The following FRY variants were observed in gnomAD, a reference collection of about 807,000 sequenced individuals.
FRY encodes FRY microtubule binding protein.
A neutral mutation model predicts 348.4 loss-of-function variants in FRY; 128 were observed. The ratio of observed to expected loss-of-function variants is 0.37; its 90% confidence interval spans 0.32 to 0.43. FRY has a LOEUF of 0.43. FRY is among the 20% of genes least tolerant of loss of function. The probability of loss-of-function intolerance (pLI) is 1.00; values close to 1 mark genes in which losing one functional copy is unlikely to be tolerated. For missense variants in FRY, 2,736 were observed against 3,695.2 expected, an observed-to-expected ratio of 0.74 and a Z score of 6.73; for synonymous variants, 1,370 against 1,374.7, an observed-to-expected ratio of 1.00 and a Z score of 0.08.
chr13:32,105,340 CCAGA>C (rs1877468895), intron 3 of FRY, among the ~76,000 whole-genome samples: 1 of 152,174 alleles, frequency 6.6e-6, no homozygotes, highest in African/African-American at 2.4e-5. Flanking sequence ...CGAACCTTCA[CCAGA>C]CAGTGAACCT....
At chr13:32,146,322 T>C (rs1481800009) in intron 11 of FRY, among the ~76,000 whole-genome samples, 1 of 152,018 alleles carries the variant, frequency 6.6e-6, no homozygotes, top group Non-Finnish European at 1.5e-5. Flanking sequence ...TTTGTTGTTG[T>C]TGTTTGTTTT....
At chr13:32,175,518 A>C in intron 19 of FRY, 28 bp from the exon 20 acceptor site, 2 of 1,396,630 alleles carry the variant, frequency 1.4e-6, no homozygotes, top group Non-Finnish European at 1.0e-6. Flanking sequence ...ATTTTCCCAT[A>C]GAGAGTAATC....
At chr13:32,184,941 T>C (rs769482643) in intron 25 of FRY, 35 bp from the exon 26 acceptor site, 6 of 1,572,996 alleles carry the variant, frequency 3.8e-6, no homozygotes, top group Non-Finnish European at 5.2e-6. Context: ...ACATAAAGAC[T>C]GATCATCTAA....
At chr13:32,155,456 C>A in intron 14 of FRY, 35 bp from the exon 15 acceptor site, 1 of 1,542,022 alleles carries the variant, frequency 6.5e-7, no homozygotes, top group Non-Finnish European at 9.0e-7. Context: ...ATAATTGGGC[C>A]TTTCCTTTTG....
At chr13:32,092,758 C>G (rs1876405830) in intron 2 of FRY, among the ~76,000 whole-genome samples, 3 of 152,122 alleles carry the variant, frequency 2.0e-5, no homozygotes, top group Non-Finnish European at 4.4e-5. Context: ...TCTCACGCAG[C>G]AGGTGAGGTA....
At chr13:32,268,486 TAAAAA>T (rs1163691921) in intron 55 of FRY, among the ~76,000 whole-genome samples, 200 of 60,682 alleles carry the variant, frequency 3.3e-3, no homozygotes, top group South Asian at 7.7e-3. Flanking sequence ...AAAGCTAGTT[TAAAAA>T]AAAAAAAAAA....
chr13:32,082,998 A>G (rs1394075712), intron 2 of FRY, among the ~76,000 whole-genome samples: 2 of 152,058 alleles, frequency 1.3e-5, no homozygotes, highest in African/African-American at 4.8e-5. Context: ...AATTCTGGAA[A>G]ACTCTTAACT....
intron 1 of FRY, among the ~76,000 whole-genome samples, chr13:32,040,576 C>T (rs1872708305): frequency 6.6e-6 from 1 of 152,216 alleles, no homozygotes; most frequent in South Asian, 2.1e-4. Flanking sequence ...TGGTCAGCTT[C>T]TTGGACTGGC....
intron 13 of FRY, among the ~76,000 whole-genome samples, chr13:32,149,315 G>A (rs1028574155): frequency 3.3e-5 from 5 of 151,660 alleles, no homozygotes; most frequent in African/African-American, 1.2e-4. Context: ...TATACTATGA[G>A]CCAAAGGATT....
chr13:32,156,558 A>G (rs2476720), intron 15 of FRY, among the ~76,000 whole-genome samples: 101,682 of 147,336 alleles, frequency 0.69, 35,495 homozygotes, highest in East Asian at 0.98. Context: ...CCAAGATCGC[A>G]CCATTCCACT....
intron 2 of FRY, among the ~76,000 whole-genome samples, chr13:32,095,980 CCT>C (rs1281055139): frequency 1.3e-5 from 2 of 150,336 alleles, no homozygotes; most frequent in Non-Finnish European, 3.0e-5. Context: ...CCTTTTATTC[CCT>C]CTTTCCTTCC....
chr13:32,042,524 A>G (rs577589003), intron 1 of FRY, among the ~76,000 whole-genome samples: 1 of 142,398 alleles, frequency 7.0e-6, no homozygotes, highest in South Asian at 2.1e-4. Context: ...AGCTTGCCCA[A>G]CCCACAGCCT....
chr13:32,228,073 A>G (rs916749265), intron 39 of FRY, among the ~76,000 whole-genome samples: 1 of 152,172 alleles, frequency 6.6e-6, no homozygotes, highest in East Asian at 1.9e-4. Flanking sequence ...TAAGAAGACT[A>G]ATACCCAGGA....
intron 23 of FRY, among the ~76,000 whole-genome samples, chr13:32,180,423 C>T (rs1882633230): frequency 1.3e-5 from 2 of 152,148 alleles, no homozygotes; most frequent in African/African-American, 2.4e-5. Flanking sequence ...ATAGTAGAGA[C>T]GGGGTTTCAC....
chr13:32,078,765 T>C (rs1042306795), intron 1 of FRY, 69 bp from the exon 2 acceptor site: 6 of 1,140,922 alleles, frequency 5.3e-6, no homozygotes, highest in African/African-American at 1.5e-5. Context: ...TATTTATGGT[T>C]TAACACAGTC....
chr13:32,233,560 A>G (rs1240187324), intron 41 of FRY, among the ~76,000 whole-genome samples: 1 of 152,238 alleles, frequency 6.6e-6, no homozygotes, highest in Non-Finnish European at 1.5e-5. Flanking sequence ...CAGTATCTAC[A>G]CTTCAATATC....
chr13:32,169,170 G>A (rs1006506150), intron 17 of FRY, among the ~76,000 whole-genome samples: 6 of 152,174 alleles, frequency 3.9e-5, no homozygotes, highest in Non-Finnish European at 7.3e-5. Flanking sequence ...ACACTTCTAT[G>A]CTTTGGGTCA....
chr13:32,197,188 T>C (rs1031818855), intron 29 of FRY, among the ~76,000 whole-genome samples: 5 of 152,254 alleles, frequency 3.3e-5, no homozygotes, highest in Non-Finnish European at 5.9e-5. Flanking sequence ...TTTTAAATAA[T>C]TTTGTTGGAT....
chr13:32,107,753 C>T (rs1877658620), intron 3 of FRY, among the ~76,000 whole-genome samples: 1 of 152,174 alleles, frequency 6.6e-6, no homozygotes, highest in Non-Finnish European at 1.5e-5. Flanking sequence ...GAGCAAACTT[C>T]GCCCTGCCCT....
Sources: allele counts gnomAD v4.1 joint callset (sites outside exome capture counted in the v4.1 genomes callset), GRCh38; gene constraint gnomAD v4.1.1; transcripts MANE v1.5; gene names NCBI Gene and HGNC (gene_info 2026-07-23, HGNC 2026-07-21).